GABBR2: variants seen among roughly 807,000 people sequenced by gnomAD.
GABBR2 encodes the protein gamma-aminobutyric acid type B receptor subunit 2, also known as G-protein coupled receptor 51.
Under a neutral mutation model 105.6 loss-of-function variants are expected in GABBR2, and 23 were observed. That is an observed-to-expected ratio of 0.22 (90% confidence interval 0.16 to 0.31). The LOEUF (loss-of-function observed/expected upper bound fraction) is 0.31, where lower values mean the gene tolerates loss of function less well. Ranked by LOEUF, GABBR2 falls within the 10% of genes least tolerant of loss-of-function variation. GABBR2 has a pLI of 1.00. For missense variants in GABBR2, 734 were observed against 1,245.5 expected (o/e 0.59, Z 6.18); for synonymous variants, 478 against 499.7 (o/e 0.96, Z 0.58).
intron 1 of GABBR2, among the ~76,000 whole-genome samples, chr9:98,618,355 A>C (rs1209514837): frequency 6.6e-6 from 1 of 152,142 alleles, no homozygotes; most frequent in African/African-American, 2.4e-5. Context: ...TGTGCGCGGT[A>C]TTTAATTAGG....
intron 1 of GABBR2, among the ~76,000 whole-genome samples, chr9:98,702,834 A>C: frequency 6.6e-6 from 1 of 151,854 alleles, no homozygotes; most frequent in Non-Finnish European, 1.5e-5. Context: ...TCAATTTAGC[A>C]CTCCTCAACT....
At chr9:98,623,396 T>G (rs376942522) in intron 1 of GABBR2, among the ~76,000 whole-genome samples, 40 of 152,188 alleles carry the variant, frequency 2.6e-4, no homozygotes, top group African/African-American at 8.2e-4. Context: ...GCCACTGCAC[T>G]CCAGCCTGTG....
At chr9:98,554,716 A>G (rs1244965887) in intron 2 of GABBR2, among the ~76,000 whole-genome samples, 1 of 152,218 alleles carries the variant, frequency 6.6e-6, no homozygotes, top group Admixed American at 6.5e-5. Flanking sequence ...TGTTTTTGCT[A>G]TATGGCATTC....
chr9:98,441,721 A>G (rs1229855698), intron 7 of GABBR2, among the ~76,000 whole-genome samples: 3 of 152,216 alleles, frequency 2.0e-5, no homozygotes, highest in African/African-American at 7.2e-5. Context: ...AAAGTTCTGG[A>G]GATAAATAGT....
intron 7 of GABBR2, among the ~76,000 whole-genome samples, chr9:98,450,475 A>G (rs1385664210): frequency 1.3e-5 from 2 of 152,204 alleles, no homozygotes; most frequent in African/African-American, 4.8e-5. Context: ...CATGGAGTGC[A>G]GGACTGTTTC....
chr9:98,556,933 A>T (rs1428088258), intron 2 of GABBR2, among the ~76,000 whole-genome samples: 3 of 152,146 alleles, frequency 2.0e-5, no homozygotes, highest in Admixed American at 2.0e-4. Context: ...GGTCCCAGCT[A>T]CTTGGGAGGC....
chr9:98,411,660 C>T (rs1189249775), intron 7 of GABBR2, among the ~76,000 whole-genome samples: 5 of 151,896 alleles, frequency 3.3e-5, no homozygotes, highest in East Asian at 1.9e-4. Context: ...CTCCTGGGCT[C>T]GAGTGATCCT....
intron 6 of GABBR2, among the ~76,000 whole-genome samples, chr9:98,462,869 A>G (rs928552745): frequency 3.3e-5 from 5 of 152,240 alleles, no homozygotes; most frequent in South Asian, 2.1e-4. Context: ...TAAATCAAAC[A>G]AAATAAGTAC....
chr9:98,600,382 C>T (rs1442965364), intron 1 of GABBR2, among the ~76,000 whole-genome samples: 1 of 152,156 alleles, frequency 6.6e-6, no homozygotes, highest in Non-Finnish European at 1.5e-5. Context: ...TCCCAACCTC[C>T]ACCTCCCTGA....
intron 7 of GABBR2, among the ~76,000 whole-genome samples, chr9:98,418,966 C>T (rs1380979205): frequency 6.6e-6 from 1 of 152,204 alleles, no homozygotes; most frequent in South Asian, 2.1e-4. Context: ...ACTGTAGGTT[C>T]TATTTTTGTT....
intron 17 of GABBR2, among the ~76,000 whole-genome samples, chr9:98,297,825 C>G (rs1259318007): frequency 1.3e-5 from 2 of 149,150 alleles, no homozygotes; most frequent in East Asian, 4.0e-4. Context: ...AGTTCCAGAC[C>G]AGCCTGGCCA....
At chr9:98,638,667 T>C (rs1829914831) in intron 1 of GABBR2, among the ~76,000 whole-genome samples, 1 of 152,152 alleles carries the variant, frequency 6.6e-6, no homozygotes. Flanking sequence ...ACAAGTTTTA[T>C]TGAGAGTCTG....
intron 3 of GABBR2, among the ~76,000 whole-genome samples, chr9:98,505,515 G>A (rs1198080079): frequency 6.6e-6 from 1 of 151,916 alleles, no homozygotes; most frequent in Admixed American, 6.6e-5. Context: ...CTTGAAATGT[G>A]ACCTCCAAAA....
chr9:98,512,064 C>T (rs1435335913), intron 3 of GABBR2, among the ~76,000 whole-genome samples: 1 of 151,994 alleles, frequency 6.6e-6, no homozygotes. Flanking sequence ...CCACCATGAT[C>T]AAGTGGGCTT....
At chr9:98,482,422 G>A (rs1826945228) in intron 4 of GABBR2, among the ~76,000 whole-genome samples, 1 of 152,174 alleles carries the variant, frequency 6.6e-6, no homozygotes, top group Non-Finnish European at 1.5e-5. Context: ...TCATCACCAC[G>A]TCTGCAATGC....
chr9:98,691,280 A>C (rs1830678284), intron 1 of GABBR2, among the ~76,000 whole-genome samples: 1 of 152,170 alleles, frequency 6.6e-6, no homozygotes, highest in African/African-American at 2.4e-5. Flanking sequence ...TCCTAGCCTC[A>C]CGGACAAACC....
chr9:98,405,224 C>T (rs919936398), intron 8 of GABBR2, among the ~76,000 whole-genome samples: 1 of 152,124 alleles, frequency 6.6e-6, no homozygotes, highest in East Asian at 1.9e-4. Flanking sequence ...ATGCTGTTCT[C>T]TCTACTTTAG....
chr9:98,397,730 C>G (rs979353279), intron 8 of GABBR2, among the ~76,000 whole-genome samples: 3 of 152,192 alleles, frequency 2.0e-5, no homozygotes. Context: ...TTCCAGGAAG[C>G]CTTCCCTGAG....
chr9:98,342,059 G>A (rs1356074374), intron 13 of GABBR2, among the ~76,000 whole-genome samples: 1 of 152,118 alleles, frequency 6.6e-6, no homozygotes, highest in Non-Finnish European at 1.5e-5. Flanking sequence ...TCACAGACAA[G>A]AGGGGACCGG....
Sources: allele counts gnomAD v4.1 joint callset (sites outside exome capture counted in the v4.1 genomes callset), GRCh38; gene constraint gnomAD v4.1.1; transcripts MANE v1.5; gene names NCBI Gene and HGNC (gene_info 2026-07-23, HGNC 2026-07-21).